The following UBE2E1 variants were observed in gnomAD, a reference collection of about 807,000 sequenced individuals.
UBE2E1 encodes ubiquitin-conjugating enzyme E2 E1.
In UBE2E1, 6 loss-of-function variants were observed where a neutral mutation model predicts 21.4. The ratio of observed to expected loss-of-function variants is 0.28; its 90% CI spans 0.15 to 0.55. The LOEUF is 0.55. Ranked by LOEUF, UBE2E1 falls within the 20% of genes least tolerant of loss-of-function variation. The pLI is 0.93. For missense variants in UBE2E1, 142 were observed against 236.5 expected (o/e 0.60, Z 2.62); for synonymous variants, 87 against 82.7 (o/e 1.05, Z -0.28).
chr3:23,832,207 T>TA (rs1699882214), intron 3 of UBE2E1, among the ~76,000 whole-genome samples: 1 of 152,204 alleles, frequency 6.6e-6, no homozygotes. Flanking sequence ...GAAAGGGAAA[T>TA]AAAAACAGAA....
At chr3:23,832,988 T>C (rs1699901171) in intron 3 of UBE2E1, among the ~76,000 whole-genome samples, 1 of 152,168 alleles carries the variant, frequency 6.6e-6, no homozygotes, top group Non-Finnish European at 1.5e-5. Context: ...GAGCTGTGTT[T>C]GTGCCATTGT....
chr3:23,818,671 TCTGAGGTGGC>T (rs1699579046), intron 3 of UBE2E1, among the ~76,000 whole-genome samples: 1 of 152,212 alleles, frequency 6.6e-6, no homozygotes, highest in African/African-American at 2.4e-5. Flanking sequence ...ACACATTGAA[TCTGAGGTGGC>T]CTGACGGTGG....
At chr3:23,847,506 T>G (rs1257635195) in intron 3 of UBE2E1, among the ~76,000 whole-genome samples, 2 of 143,644 alleles carry the variant, frequency 1.4e-5, no homozygotes, top group African/African-American at 2.6e-5. Context: ...TTTTTTTTTT[T>G]TTTTTTGAGA....
chr3:23,861,110 A>G (rs1700545023), intron 3 of UBE2E1, among the ~76,000 whole-genome samples: 1 of 152,218 alleles, frequency 6.6e-6, no homozygotes, highest in South Asian at 2.1e-4. Flanking sequence ...TTAAAGGTAG[A>G]ATGTAGACAT....
Position 23,842,634 on chromosome 3 carries a change from G to T in UBE2E1, c.203+31124G>T, listed in dbSNP as rs530717533. Among the ~76,000 whole-genome samples, 1 of 152,256 alleles carries T rather than the reference G, an allele frequency of 6.6e-6. No individual in the cohort carries two copies. The highest frequency in any genetic ancestry group is 1.9e-4 in the East Asian group (1 of 5,184). On this transcript the variant is annotated intron_variant, in intron 3 of 5. Coordinates refer to ENST00000306627, the MANE Select transcript of UBE2E1 (RefSeq NM_003341.5). This position sits in a 1 kb window ranked among gnomAD's most constrained non-coding sequence, Gnocchi z 4.6. ...AAATAAGTCGGAGTCTCATACCTCT[G>T]TGTCAACACTGAACAGCATTTTTTG...
chr3:23,815,235 C>T (rs1228783198), intron 3 of UBE2E1, among the ~76,000 whole-genome samples: 1 of 152,206 alleles, frequency 6.6e-6, no homozygotes, highest in East Asian at 1.9e-4. Flanking sequence ...ACCCACTTTG[C>T]CCTTCCAGAG....
Position 23,832,571 on chromosome 3 carries a change from G to A in UBE2E1, c.203+21061G>A, listed in dbSNP as rs534208528. Among the ~76,000 whole-genome samples the A allele has an allele frequency of 9.8e-5, 15 of 152,288 alleles. No individual in the cohort carries two copies. In the East Asian group the frequency reaches 2.7e-3, roughly 27 times the overall value. On this transcript the variant is annotated intron_variant, in intron 3 of 5. Transcript: ENST00000306627. ...GAGGCAGGAGAATCGCTTGAACCCG[G>A]GAGGTGGAGGTTGCAGTCAGCCGAG...
chr3:23,828,335 G>A (rs74651764), intron 3 of UBE2E1, among the ~76,000 whole-genome samples: 6,681 of 152,162 alleles, frequency 0.044, 151 homozygotes, highest in Middle Eastern at 0.054. Context: ...ATCTTCCATT[G>A]TGTAAAAAGA....
intron 3 of UBE2E1, among the ~76,000 whole-genome samples, chr3:23,865,291 T>C (rs749668023): frequency 1.3e-5 from 2 of 152,078 alleles, no homozygotes; most frequent in Non-Finnish European, 2.9e-5. Context: ...TTTTCTTAGG[T>C]AGTTTATGTC....
chr3:23,833,985 A>G (rs1408657174), intron 3 of UBE2E1, among the ~76,000 whole-genome samples: 3 of 152,208 alleles, frequency 2.0e-5, no homozygotes, highest in African/African-American at 7.2e-5. Context: ...TCTCAAAAAA[A>G]AATAAAAATA....
intron 4 of UBE2E1, chr3:23,888,391 C>A: frequency 2.9e-6 from 1 of 348,974 alleles, no homozygotes; most frequent in Non-Finnish European, 5.7e-6. Flanking sequence ...AAGAAGTAAT[C>A]GAAAGTCACT....
chr3:23,812,668 T>C (rs753968020), intron 3 of UBE2E1, among the ~76,000 whole-genome samples: 10 of 152,238 alleles, frequency 6.6e-5, no homozygotes, highest in Non-Finnish European at 1.0e-4. Context: ...GAACACTTAA[T>C]CATTCTGGGG....
intron 4 of UBE2E1, among the ~76,000 whole-genome samples, chr3:23,888,851 T>A (rs1051708395): frequency 6.6e-6 from 1 of 152,236 alleles, no homozygotes; most frequent in Non-Finnish European, 1.5e-5. Context: ...TTGGAAATGT[T>A]AATATTTAAA....
chr3:23,875,264 A>G (rs1161534148), intron 3 of UBE2E1, among the ~76,000 whole-genome samples: 2 of 152,220 alleles, frequency 1.3e-5, no homozygotes, highest in East Asian at 3.8e-4. Flanking sequence ...TAATATGGAA[A>G]CACTGTTGTA....
intron 3 of UBE2E1, among the ~76,000 whole-genome samples, chr3:23,825,202 G>A (rs146742151): frequency 1.3e-4 from 20 of 152,260 alleles, no homozygotes; most frequent in Non-Finnish European, 1.0e-4. Context: ...TGACTCAGGT[G>A]GGGTGGGCAG....
At chr3:23,826,071 C>A (rs1404578237) in intron 3 of UBE2E1, among the ~76,000 whole-genome samples, 1 of 152,070 alleles carries the variant, frequency 6.6e-6, no homozygotes, top group Non-Finnish European at 1.5e-5. Context: ...GTATTCTGTT[C>A]AGTGTTTTGA....
rs72627017 is a variant in UBE2E1 at position 23,842,590 on chromosome 3, C to G, written c.203+31080C>G. On this transcript the variant is annotated intron_variant, in intron 3 of 5. Transcript: ENST00000306627. This position sits in a 1 kb window ranked among gnomAD's most constrained non-coding sequence, Gnocchi z 4.6. ...TCAAGGCCTCCTTTTGTTATGTAAG[C>G]TGAATTCATAGCTTGAGGAAATAAG... 3.6e-3 allele frequency among the ~76,000 whole-genome samples: 541 copies of G among 152,254 alleles called. 10 individuals are homozygous for G. The East Asian group carries it at 0.044, about 12-fold the overall frequency.
In UBE2E1 at chr3:23,876,310, C is replaced by G. The variant is rs1353175554; in HGVS notation, c.204-11257C>G. ...AGCACTTACAAAATCGTGTCACTAC[C>G]CTGTTAGTTTCTTTAGTAAAGTTTT... On this transcript the variant is annotated intron_variant, in intron 3 of 5. Transcript: ENST00000306627. The surrounding 1 kb of genome is among the most constrained non-coding windows in gnomAD (Gnocchi z 4.3). Among the ~76,000 whole-genome samples, 2 of 152,114 alleles carry G rather than the reference C, an allele frequency of 1.3e-5. No homozygotes were observed. Among genetic ancestry groups the G allele is most frequent in the African/African-American group, 4.8e-5 (2 of 41,428 alleles).
intron 3 of UBE2E1, among the ~76,000 whole-genome samples, chr3:23,839,191 C>T (rs971432491): frequency 1.2e-4 from 18 of 151,948 alleles, no homozygotes; most frequent in Non-Finnish European, 1.8e-4. Flanking sequence ...TAGCCGGGTG[C>T]GGTGGCTCAT....
Sources: allele counts gnomAD v4.1 joint callset (sites outside exome capture counted in the v4.1 genomes callset), GRCh38; gene constraint gnomAD v4.1.1; non-coding constraint Gnocchi (gnomAD v3.1); transcripts MANE v1.5; gene names NCBI Gene and HGNC (gene_info 2026-07-23, HGNC 2026-07-21).